The following UBAP1 variants were observed in gnomAD, a reference collection of about 807,000 sequenced individuals.
UBAP1 encodes ubiquitin-associated protein 1.
In UBAP1, 5 loss-of-function variants were observed where a neutral mutation model predicts 39.0. The observed-to-expected ratio is 0.13, with a 90% CI of 0.07 to 0.27. The LOEUF (loss-of-function observed/expected upper bound fraction) is 0.27. UBAP1 is among the 10% of genes least tolerant of loss of function. UBAP1 has a pLI of 1.00. For synonymous variants in UBAP1, 211 were observed against 225.1 expected (o/e 0.94, Z 0.56); for missense variants, 490 against 608.1 (o/e 0.81, Z 2.04).
intron 1 of UBAP1, among the ~76,000 whole-genome samples, chr9:34,220,703 T>G (rs1325293809): frequency 1.3e-5 from 2 of 151,994 alleles, no homozygotes; most frequent in African/African-American, 4.8e-5. Flanking sequence ...GCTCAAGTGA[T>G]CCTCCCACCT....
At chr9:34,237,267 C>T (rs560179870) in intron 3 of UBAP1, among the ~76,000 whole-genome samples, 1 of 152,150 alleles carries the variant, frequency 6.6e-6, no homozygotes, top group African/African-American at 2.4e-5. Flanking sequence ...TCACTGCCCT[C>T]AAGGTACTTA....
Position 34,194,544 on chromosome 9 carries a change from G to C in UBAP1, c.-8+15304G>C, listed in dbSNP as rs192492269. ...TTAGCCAGGATGGTCTCGATCTCCCGACCTCGTGATCCTCCTGCCTCGGCC... is the reference window on the plus strand; with the variant it reads ...TTAGCCAGGATGGTCTCGATCTCCCCACCTCGTGATCCTCCTGCCTCGGCC... On this transcript the variant is annotated intron_variant, in intron 1 of 6. Transcript: ENST00000297661. Among the ~76,000 whole-genome samples, 619 of 152,148 alleles carry C rather than the reference G, an allele frequency of 4.1e-3. 3 individuals carry two copies. Among genetic ancestry groups the C allele is most frequent in the Non-Finnish European group, 7.1e-3 (480 of 67,994 alleles).
At chr9:34,209,083 T>C (rs1034934233) in intron 1 of UBAP1, among the ~76,000 whole-genome samples, 4 of 151,930 alleles carry the variant, frequency 2.6e-5, no homozygotes, top group African/African-American at 9.7e-5. Context: ...TACAGGCATA[T>C]GCCATGAGAC....
chr9:34,226,730 CT>C (rs1833129348), intron 2 of UBAP1, among the ~76,000 whole-genome samples: 1 of 151,228 alleles, frequency 6.6e-6, no homozygotes, highest in African/African-American at 2.4e-5. Context: ...TTTTTTTTCC[CT>C]TTTTCTCTCT....
chr9:34,239,439 G>A (rs923973352), intron 3 of UBAP1, among the ~76,000 whole-genome samples: 12 of 152,200 alleles, frequency 7.9e-5, no homozygotes, highest in Non-Finnish European at 1.5e-5. Context: ...TAGACAGATG[G>A]CTTGAAAGTT....
intron 1 of UBAP1, among the ~76,000 whole-genome samples, chr9:34,189,793 T>C (rs930870924): frequency 7.9e-5 from 12 of 152,004 alleles, no homozygotes; most frequent in Admixed American, 7.9e-4. Context: ...TGCTCCACCA[T>C]GCTCGATTAA....
intron 1 of UBAP1, among the ~76,000 whole-genome samples, chr9:34,195,558 T>G (rs571350513): frequency 1.3e-5 from 2 of 152,110 alleles, no homozygotes; most frequent in Non-Finnish European, 2.9e-5. Context: ...GAAAAGAAAG[T>G]TTCCCAAAGT....
chr9:34,201,046 T>A (rs1008060026), intron 1 of UBAP1, among the ~76,000 whole-genome samples: 3 of 152,054 alleles, frequency 2.0e-5, no homozygotes, highest in Non-Finnish European at 4.4e-5. Flanking sequence ...AGTGAGTAGC[T>A]GGGATTACAG....
At chr9:34,247,636 C>G (rs2131631519) in intron 4 of UBAP1, among the ~76,000 whole-genome samples, 1 of 152,164 alleles carries the variant, frequency 6.6e-6, no homozygotes, top group Non-Finnish European at 1.5e-5. Flanking sequence ...GTTGGTCAGG[C>G]TGGTCTTGAA....
intron 3 of UBAP1, among the ~76,000 whole-genome samples, chr9:34,238,459 C>G (rs1037094844): frequency 2.0e-5 from 3 of 152,196 alleles, no homozygotes; most frequent in Admixed American, 6.5e-5. Context: ...AGTGGCTGCA[C>G]AATTTTACAA....
chr9:34,224,157 C>CT, intron 2 of UBAP1: 1 of 640,732 alleles, frequency 1.6e-6, no homozygotes, highest in Non-Finnish European at 2.6e-6. Flanking sequence ...TTTTTTTTTC[C>CT]TTTCATCGAT....
At chr9:34,185,442 G>A (rs1474103766) in intron 1 of UBAP1, among the ~76,000 whole-genome samples, 5 of 152,172 alleles carry the variant, frequency 3.3e-5, no homozygotes, top group African/African-American at 9.6e-5. Context: ...CCAGGTACAC[G>A]AGAGGCTGAG....
chr9:34,237,635 A>G (rs1443302496), intron 3 of UBAP1, among the ~76,000 whole-genome samples: 1 of 152,122 alleles, frequency 6.6e-6, no homozygotes, highest in Non-Finnish European at 1.5e-5. Context: ...TGGCACAGTC[A>G]TGGCTCACTG....
chr9:34,237,047 T>C (rs1432022865), intron 3 of UBAP1, among the ~76,000 whole-genome samples: 2 of 152,178 alleles, frequency 1.3e-5, no homozygotes, highest in African/African-American at 2.4e-5. Flanking sequence ...CGTTCAAATC[T>C]ATTCTAGATT....
chr9:34,232,236 C>G (rs1444859742), intron 2 of UBAP1, among the ~76,000 whole-genome samples: 1 of 152,124 alleles, frequency 6.6e-6, no homozygotes, highest in African/African-American at 2.4e-5. Flanking sequence ...CTCAGATGAT[C>G]CACCTGCCTT....
intron 3 of UBAP1, among the ~76,000 whole-genome samples, chr9:34,237,902 G>A (rs948523731): frequency 3.3e-5 from 5 of 152,154 alleles, no homozygotes; most frequent in African/African-American, 1.2e-4. Context: ...ATACAGTTCA[G>A]TGATTTTTAA....
chr9:34,232,942 T>C (rs1026052053), intron 2 of UBAP1, among the ~76,000 whole-genome samples: 1 of 152,222 alleles, frequency 6.6e-6, no homozygotes, highest in Non-Finnish European at 1.5e-5. Flanking sequence ...GTTTGGAGTA[T>C]ATAGCTATCG....
At chr9:34,226,119 G>GTGTGTGTGTGTGTGTGTGTGTGTGTT (rs1554650789) in intron 2 of UBAP1, among the ~76,000 whole-genome samples, 11,921 of 96,738 alleles carry the variant, frequency 0.12, 902 homozygotes, top group South Asian at 0.19. Flanking sequence ...GTGTGTGTGT[G>GTGTGTGTGTGTGTGTGTGTGTGTGTT]TGTGTGTGTG....
chr9:34,243,716 C>A (rs539501705), intron 4 of UBAP1, among the ~76,000 whole-genome samples: 2 of 152,246 alleles, frequency 1.3e-5, no homozygotes, highest in South Asian at 4.1e-4. Context: ...TCTGGAACTC[C>A]TGTGCTCAAG....
Sources: allele counts gnomAD v4.1 joint callset (sites outside exome capture counted in the v4.1 genomes callset), GRCh38; gene constraint gnomAD v4.1.1; transcripts MANE v1.5; gene names NCBI Gene and HGNC (gene_info 2026-07-23, HGNC 2026-07-21).